Variants in AGTPBP1 observed in about 807,000 individuals in gnomAD.
The protein encoded by AGTPBP1 is cytosolic carboxypeptidase 1.
Under a neutral mutation model 143.9 loss-of-function variants are expected in AGTPBP1, and 70 were observed. The observed-to-expected ratio is 0.49, with a 90% CI of 0.40 to 0.59. AGTPBP1 has a LOEUF of 0.59. Ranked by LOEUF, AGTPBP1 falls within the 20% of genes least tolerant of loss-of-function variation. The pLI is 0.00. For synonymous variants in AGTPBP1, 463 were observed against 500.2 expected, an observed-to-expected ratio of 0.93 and a Z score of 0.99; for missense variants, 1,229 against 1,464.5, an observed-to-expected ratio of 0.84 and a Z score of 2.62.
intron 3 of AGTPBP1, among the ~76,000 whole-genome samples, chr9:85,688,096 TAAAAAAAA>T (rs58523894): frequency 1.2e-4 from 4 of 34,710 alleles, no homozygotes; most frequent in African/African-American, 4.2e-4. Flanking sequence ...GTCTCAAAAT[TAAAAAAAA>T]AAAAAAAAAA....
chr9:85,625,934 G>GA (rs1238183769), intron 14 of AGTPBP1, among the ~76,000 whole-genome samples: 1 of 114,968 alleles, frequency 8.7e-6, no homozygotes, highest in Non-Finnish European at 1.8e-5. Context: ...TAGGATATAT[G>GA]AAAAAACAAT....
At chr9:85,598,696 G>A (rs918729201) in intron 17 of AGTPBP1, among the ~76,000 whole-genome samples, 3 of 152,048 alleles carry the variant, frequency 2.0e-5, no homozygotes, top group African/African-American at 4.8e-5. Flanking sequence ...TGACCCTGAC[G>A]TTTTAGTCTG....
the AGTPBP1 span, chr9:85,765,125 G>A: frequency 2.3e-6 from 1 of 439,934 alleles, no homozygotes; most frequent in African/African-American, 2.0e-5. Context: ...TTACATAGTG[G>A]TCCATGGACA....
At chr9:85,689,117 C>T (rs551764468) in intron 3 of AGTPBP1, among the ~76,000 whole-genome samples, 1 of 152,252 alleles carries the variant, frequency 6.6e-6, no homozygotes, top group South Asian at 2.1e-4. Context: ...TATAGTTACA[C>T]ATATGAACTG....
At chr9:85,756,048 T>C in the AGTPBP1 span, 2 of 1,462,712 alleles carry the variant, frequency 1.4e-6, no homozygotes, top group Non-Finnish European at 1.8e-6. Context: ...GAAAAACAAG[T>C]AATTTTTTTT....
rs1368408205 is a variant in AGTPBP1, at chr9:85,633,166, T to C, written c.1511A>G (p.Asp504Gly). The change falls in exon 14 of 26, where the codon GAT becomes GGT. Residue 504 changes from aspartate (D) to glycine (G), a missense_variant. Coordinates refer to ENST00000357081, the MANE Select transcript of AGTPBP1 (RefSeq NM_001330701.2). ...FMDLAKEDIK[D>G]NDRTLQQQPG... Reference sequence around the variant, plus strand: ...CTGCTGTTGTAATGTTCTATCATTATCTTTAATATCTTCTTTTGCTAGATC... The same window carrying C: ...CTGCTGTTGTAATGTTCTATCATTACCTTTAATATCTTCTTTTGCTAGATC... 1 of 1,613,482 alleles carries C rather than the reference T, an allele frequency of 6.2e-7. No homozygotes were observed. The highest frequency in any genetic ancestry group is 8.5e-7 in the Non-Finnish European group (1 of 1,179,848).
At chr9:85,756,418 T>C in the AGTPBP1 span, among the ~76,000 whole-genome samples, 2 of 126,934 alleles carry the variant, frequency 1.6e-5, no homozygotes, top group Non-Finnish European at 3.1e-5. Context: ...TCGCTTTGGA[T>C]AACCATCTTG....
At chr9:85,625,904 G>GTT (rs368474275) in intron 14 of AGTPBP1, among the ~76,000 whole-genome samples, 40,764 of 104,578 alleles carry the variant, frequency 0.39, 7,469 homozygotes, top group Non-Finnish European at 0.45. Context: ...ACCTAGTTTT[G>GTT]TTTTTTTTTT....
upstream of AGTPBP1, among the ~76,000 whole-genome samples, chr9:85,745,092 A>G (rs1824565375): frequency 6.6e-6 from 1 of 152,152 alleles, no homozygotes; most frequent in African/African-American, 2.4e-5. Context: ...TTCCTGTTTC[A>G]TTTTTGGACT....
intron 13 of AGTPBP1, among the ~76,000 whole-genome samples, chr9:85,638,144 T>A (rs978222915): frequency 4.6e-5 from 7 of 152,124 alleles, no homozygotes; most frequent in African/African-American, 1.7e-4. Flanking sequence ...TATATATATA[T>A]GTTGATTTGG....
At chr9:85,791,004 A>G in the AGTPBP1 span, among the ~76,000 whole-genome samples, 1 of 152,348 alleles carries the variant, frequency 6.6e-6, no homozygotes, top group East Asian at 1.9e-4. Flanking sequence ...TGTATACTGT[A>G]TTATTGTGTT....
the AGTPBP1 span, among the ~76,000 whole-genome samples, chr9:85,787,592 A>G: frequency 6.6e-6 from 1 of 152,120 alleles, no homozygotes; most frequent in Non-Finnish European, 1.5e-5. Flanking sequence ...TATAATGTAC[A>G]ATTTAGTTTG....
intron 2 of AGTPBP1, among the ~76,000 whole-genome samples, chr9:85,703,542 G>A (rs898167201): frequency 6.6e-6 from 1 of 152,216 alleles, no homozygotes; most frequent in Non-Finnish European, 1.5e-5. Flanking sequence ...TGAAAAGATT[G>A]TCAAGGATGA....
chr9:85,735,861 T>C (rs77379309), intron 1 of AGTPBP1, among the ~76,000 whole-genome samples: 4,415 of 152,292 alleles, frequency 0.029, 206 homozygotes, highest in African/African-American at 0.1. Flanking sequence ...GACTTTATTA[T>C]TGTTTTTAAT....
At position 85,585,447 on chromosome 9, in the gene AGTPBP1, C is replaced by T. The variant is rs890499815; in HGVS notation, c.3165+16G>A. 6.4e-7 allele frequency: 1 copy of T among 1,563,738 alleles called. No individual in the cohort carries two copies. Among genetic ancestry groups the T allele is most frequent in the South Asian group, 1.2e-5 (1 of 81,330 alleles). ...GTTTGAAATTCAAAAACTTATGAAT[C>T]ATCTGTAATAATTACCCTGTATCCC... On this transcript the variant is annotated intron_variant, in intron 23 of 25. Transcript: ENST00000357081.
chr9:85,687,201 T>C (rs1178982455), intron 3 of AGTPBP1, among the ~76,000 whole-genome samples: 1 of 152,122 alleles, frequency 6.6e-6, no homozygotes, highest in East Asian at 1.9e-4. Flanking sequence ...CAACTATAAA[T>C]GTATACACAG....
chr9:85,740,887 T>C (rs1043702513), intron 1 of AGTPBP1, among the ~76,000 whole-genome samples: 3 of 152,154 alleles, frequency 2.0e-5, no homozygotes, highest in Non-Finnish European at 4.4e-5. Context: ...AAACGGGAAA[T>C]GGGCTTTAAA....
intron 4 of AGTPBP1, among the ~76,000 whole-genome samples, chr9:85,679,186 C>G (rs1323990444): frequency 6.6e-6 from 1 of 152,102 alleles, no homozygotes; most frequent in Non-Finnish European, 1.5e-5. Context: ...AATTTATACT[C>G]CCATCAGCAA....
intron 1 of AGTPBP1, among the ~76,000 whole-genome samples, chr9:85,719,004 C>T (rs1837918815): frequency 6.6e-6 from 1 of 152,010 alleles, no homozygotes; most frequent in South Asian, 2.1e-4. Context: ...TATCTGAGGC[C>T]TCTGTTCTGT....
Sources: gnomAD v4.1 joint callset for allele counts (sites outside exome capture counted in the v4.1 genomes callset) on GRCh38, gnomAD v4.1.1 for gene constraint, MANE v1.5 for transcripts, NCBI Gene and HGNC (gene_info 2026-07-23, HGNC 2026-07-21) for gene names.